CSMD1: variants seen among roughly 807,000 people sequenced by gnomAD.
CSMD1 encodes the protein CUB and Sushi multiple domains 1.
A neutral mutation model predicts 417.5 loss-of-function variants in CSMD1; 213 were observed. That is an observed-to-expected ratio of 0.51 (90% confidence interval 0.46 to 0.57). The LOEUF is 0.57. CSMD1 is among the 20% of genes least tolerant of loss of function. The pLI is 0.00. For synonymous variants in CSMD1, 2,862 were observed against 1,736.8 expected, an observed-to-expected ratio of 1.65 and a Z score of -16.11; for missense variants, 6,923 against 4,529.7, an observed-to-expected ratio of 1.53 and a Z score of -15.17.
At chr8:4,411,615 T>A (rs981970348) in intron 3 of CSMD1, among the ~76,000 whole-genome samples, 2 of 152,134 alleles carry the variant, frequency 1.3e-5, no homozygotes, top group African/African-American at 4.8e-5. Flanking sequence ...AATACAGCAA[T>A]CCTTCCACCT....
chr8:3,870,680 G>C (rs1024865664), intron 5 of CSMD1, among the ~76,000 whole-genome samples: 8 of 152,060 alleles, frequency 5.3e-5, no homozygotes, highest in African/African-American at 1.9e-4. Context: ...ATATTAGAGG[G>C]ATGTTAAGTA....
At chr8:4,858,689 C>A (rs1469162582) in intron 1 of CSMD1, among the ~76,000 whole-genome samples, 1 of 150,470 alleles carries the variant, frequency 6.6e-6, no homozygotes, top group Non-Finnish European at 1.5e-5. Flanking sequence ...AATAAAATAC[C>A]TAGGAATCCA....
intron 3 of CSMD1, among the ~76,000 whole-genome samples, chr8:4,354,716 T>C (rs908263960): frequency 1.3e-5 from 2 of 152,150 alleles, no homozygotes; most frequent in South Asian, 4.1e-4. Flanking sequence ...TTTGAAACAC[T>C]TGTATTTATA....
chr8:3,451,352 G>A (rs1815700226), intron 12 of CSMD1, among the ~76,000 whole-genome samples: 1 of 152,250 alleles, frequency 6.6e-6, no homozygotes, highest in East Asian at 1.9e-4. Flanking sequence ...GGCTTTTGTT[G>A]CCATTGCTTT....
At position 3,794,574 on chromosome 8, in the gene CSMD1, C is replaced by G. The variant is rs1037029877; in HGVS notation, c.819-40532G>C. 4.0e-5 allele frequency among the ~76,000 whole-genome samples: 6 copies of G among 151,544 alleles called. No homozygotes were observed. In the East Asian group the frequency reaches 1.2e-3, roughly 29 times the overall value. On this transcript the variant is annotated intron_variant, in intron 5 of 69. Coordinates refer to ENST00000635120, the MANE Select transcript of CSMD1 (RefSeq NM_033225.6). The stretch of plus-strand genomic sequence containing the variant: ...TTCCTGCCATCAAAGTGCTAGTAAC[C>G]CATTGGTTTATTTTTCCATTTTTTT...
intron 6 of CSMD1, among the ~76,000 whole-genome samples, chr8:3,750,842 A>T (rs1442636561): frequency 6.6e-6 from 1 of 152,172 alleles, no homozygotes; most frequent in African/African-American, 2.4e-5. Context: ...TAGAATCAGC[A>T]ACAGCAACCA....
At position 3,734,021 on chromosome 8, in the gene CSMD1, G is replaced by T. The variant is rs181962200; in HGVS notation, c.931+19909C>A. On this transcript the variant is annotated intron_variant, in intron 6 of 69. Transcript: ENST00000635120. ...GTGCAAGGGTGTGAGTGTGTATATG[G>T]CAGTGAATAAACTCAGGAAGAAATG... is the stretch of plus-strand genomic sequence containing the variant. 4.5e-3 allele frequency among the ~76,000 whole-genome samples: 676 copies of T among 151,762 alleles called. 8 individuals carry two copies. Among genetic ancestry groups the T allele is most frequent in the Middle Eastern group, 0.034 (10 of 290 alleles).
chr8:4,106,188 C>A (rs938841543), intron 3 of CSMD1, among the ~76,000 whole-genome samples: 3 of 152,038 alleles, frequency 2.0e-5, no homozygotes, highest in Non-Finnish European at 4.4e-5. Flanking sequence ...TGATGGACAC[C>A]CGGAGATCTA....
intron 26 of CSMD1, among the ~76,000 whole-genome samples, chr8:3,257,889 G>C (rs1472245027): frequency 6.6e-6 from 1 of 152,094 alleles, no homozygotes; most frequent in African/African-American, 2.4e-5. Flanking sequence ...GCTGGGTTCT[G>C]AAAATGTTAC....
chr8:4,317,604 GGAGAGAGAGAGAAAGA>G (rs747270299), intron 3 of CSMD1, among the ~76,000 whole-genome samples: 2 of 151,832 alleles, frequency 1.3e-5, no homozygotes, highest in Admixed American at 6.6e-5. Context: ...AGGAGAGAGG[GGAGAGAGAGAGAAAGA>G]GAGAGAGAGA....
chr8:3,374,690 T>C (rs992897352), intron 18 of CSMD1, among the ~76,000 whole-genome samples: 1 of 152,122 alleles, frequency 6.6e-6, no homozygotes, highest in African/African-American at 2.4e-5. Flanking sequence ...AACCCTATGG[T>C]AGCAGGGTGC....
chr8:4,885,421 G>T (rs1803675176), intron 1 of CSMD1, among the ~76,000 whole-genome samples: 1 of 152,012 alleles, frequency 6.6e-6, no homozygotes, highest in African/African-American at 2.4e-5. Context: ...TGATCTTAGG[G>T]GGAAAGCGTT....
intron 12 of CSMD1, among the ~76,000 whole-genome samples, chr8:3,461,118 C>T (rs530016090): frequency 2.6e-4 from 40 of 152,306 alleles, no homozygotes; most frequent in African/African-American, 8.2e-4. Flanking sequence ...CCATCAGATG[C>T]GGCCCTCATC....
chr8:4,271,778 C>G (rs1804615729), intron 3 of CSMD1, among the ~76,000 whole-genome samples: 1 of 152,126 alleles, frequency 6.6e-6, no homozygotes, highest in Non-Finnish European at 1.5e-5. Context: ...GATGCAGCTT[C>G]CACATTATGA....
chr8:3,159,792 C>G (rs775897842), intron 38 of CSMD1, among the ~76,000 whole-genome samples: 2 of 152,142 alleles, frequency 1.3e-5, no homozygotes, highest in South Asian at 4.1e-4. Context: ...AGGCCTGTGT[C>G]CCTAAGCAGC....
chr8:3,970,539 G>GA (rs969931410), intron 5 of CSMD1, among the ~76,000 whole-genome samples: 3 of 152,146 alleles, frequency 2.0e-5, no homozygotes. Flanking sequence ...TAAGGACCCT[G>GA]AAGCCAGATC....
intron 3 of CSMD1, among the ~76,000 whole-genome samples, chr8:4,336,128 A>G (rs1281318793): frequency 2.0e-5 from 3 of 152,104 alleles, no homozygotes; most frequent in Admixed American, 1.3e-4. Context: ...TGTTCTGTAT[A>G]AACTTCTCAC....
At chr8:4,617,880 C>G (rs1474325273) in intron 2 of CSMD1, among the ~76,000 whole-genome samples, 1 of 152,124 alleles carries the variant, frequency 6.6e-6, no homozygotes, top group Non-Finnish European at 1.5e-5. Context: ...TCATTTTACC[C>G]CAGAACCTGG....
At chr8:3,167,627 G>A (rs538311214) in intron 37 of CSMD1, among the ~76,000 whole-genome samples, 6 of 152,170 alleles carry the variant, frequency 3.9e-5, no homozygotes, top group Non-Finnish European at 8.8e-5. Context: ...ATTGCAATTA[G>A]ATGTAGAATG....
Sources: gnomAD v4.1 joint callset for allele counts (sites outside exome capture counted in the v4.1 genomes callset) on GRCh38, gnomAD v4.1.1 for gene constraint, MANE v1.5 for transcripts, NCBI Gene and HGNC (gene_info 2026-07-23, HGNC 2026-07-21) for gene names.